Variants in NRG3 observed in about 807,000 individuals in gnomAD.
The protein encoded by NRG3 is pro-neuregulin-3, membrane-bound isoform.
In NRG3, 31 loss-of-function variants were observed where a neutral mutation model predicts 66.9. That is an observed-to-expected ratio of 0.46 (90% CI 0.35 to 0.63). The LOEUF is 0.63. NRG3 is among the 20% of genes least tolerant of loss of function. The probability of loss-of-function intolerance (pLI) is 0.00; values close to 1 mark genes in which losing one functional copy is unlikely to be tolerated. For synonymous variants in NRG3, 393 were observed against 359.4 expected (o/e 1.09, Z -1.06); for missense variants, 910 against 878.9 (o/e 1.04, Z -0.45).
intron 1 of NRG3, among the ~76,000 whole-genome samples, chr10:82,214,175 T>C (rs1403715169): frequency 2.0e-5 from 3 of 152,170 alleles, no homozygotes; most frequent in African/African-American, 7.2e-5. Flanking sequence ...ATTATTTCAC[T>C]AGTCCAGGAC....
intron 1 of NRG3, among the ~76,000 whole-genome samples, chr10:82,245,793 A>G (rs777232057): frequency 7.9e-5 from 12 of 152,200 alleles, no homozygotes; most frequent in Non-Finnish European, 1.5e-4. Context: ...ATAAAGAATG[A>G]GGAAAATCTG....
At chr10:82,274,354 T>C (rs1460819458) in intron 1 of NRG3, among the ~76,000 whole-genome samples, 2 of 152,024 alleles carry the variant, frequency 1.3e-5, no homozygotes, top group Non-Finnish European at 2.9e-5. Context: ...ACTAAAAACC[T>C]GCAACCTTCT....
Position 82,922,115 on chromosome 10 carries a change from A to G in NRG3, c.1055-29354A>G, listed in dbSNP as rs377309644. Among the ~76,000 whole-genome samples the G allele has an allele frequency of 8.6e-5, 13 of 151,976 alleles. 1 individual carries two copies. Among genetic ancestry groups the G allele is most frequent in the Non-Finnish European group, 1.5e-4 (10 of 68,000 alleles). On this transcript the variant is annotated intron_variant, in intron 4 of 8. Transcript: ENST00000372141. ...CCCCCACCACCCGCCACCTCTCTAT[A>G]TATATAGAGACTGGGGGGAAGAGAA...
chr10:81,875,853 C>A lies in NRG3; in HGVS notation c.513C>A (p.His171Gln). The part of the protein sequence containing the change: ...ITRAPTRFPG[H>Q]RVPIRASPRS... The stretch of plus-strand genomic sequence containing the variant: ...GGGCGCCCACTCGCTTCCCCGGGCA[C>A]CGGGTGCCCATCCGGGCCAGCCCGC... Residue 171 changes from histidine (H) to glutamine (Q), a missense_variant, in exon 1 of 9, where the codon CAC becomes CAA. Physicochemically the swap from His to Gln is conservative, Grantham distance 24 (BLOSUM62 0). Coordinates refer to ENST00000372141, the MANE Select transcript of NRG3 (RefSeq NM_001010848.4). The surrounding 1 kb of genome is among the most constrained non-coding windows in gnomAD (Gnocchi z 5.3). 1 of 1,609,916 alleles carries A rather than the reference C, an allele frequency of 6.2e-7. No individual in the cohort carries two copies. The highest frequency in any genetic ancestry group is 8.5e-7 in the Non-Finnish European group (1 of 1,179,680).
chr10:82,220,241 T>C (rs1042476695), intron 1 of NRG3, among the ~76,000 whole-genome samples: 15 of 151,966 alleles, frequency 9.9e-5, no homozygotes, highest in Non-Finnish European at 1.2e-4. Context: ...GAATACTCTT[T>C]CCTTGCTCAG....
At chr10:82,872,820 A>G (rs1357801087) in intron 4 of NRG3, among the ~76,000 whole-genome samples, 1 of 152,090 alleles carries the variant, frequency 6.6e-6, no homozygotes, top group African/African-American at 2.4e-5. Flanking sequence ...GTATCAGCCA[A>G]AGTGGATAAG....
chr10:81,977,321 T>G (rs1339867085), intron 1 of NRG3, among the ~76,000 whole-genome samples: 1 of 152,206 alleles, frequency 6.6e-6, no homozygotes, highest in African/African-American at 2.4e-5. Flanking sequence ...TTTGATAATC[T>G]TATTGTTCTT....
intron 3 of NRG3, among the ~76,000 whole-genome samples, chr10:82,813,504 G>A (rs1457423400): frequency 2.6e-5 from 4 of 152,062 alleles, no homozygotes; most frequent in South Asian, 2.1e-4. Context: ...GTGAGCCACC[G>A]TGCCCAGCCT....
chr10:82,783,944 C>T (rs2060229419), intron 3 of NRG3, among the ~76,000 whole-genome samples: 1 of 151,866 alleles, frequency 6.6e-6, no homozygotes. Context: ...ATCACGCTAC[C>T]TGACTTCAAA....
chr10:82,204,231 G>T (rs1354409712), intron 1 of NRG3, among the ~76,000 whole-genome samples: 1 of 152,168 alleles, frequency 6.6e-6, no homozygotes, highest in Non-Finnish European at 1.5e-5. Context: ...GGCAACTATT[G>T]TTAGTTTGTA....
intron 1 of NRG3, among the ~76,000 whole-genome samples, chr10:82,166,364 A>G (rs2072062152): frequency 1.3e-5 from 2 of 152,272 alleles, no homozygotes; most frequent in African/African-American, 2.4e-5. Context: ...TTGTTGACCT[A>G]TTAGCTATAA....
At chr10:81,991,551 A>G (rs1300767893) in intron 1 of NRG3, among the ~76,000 whole-genome samples, 1 of 152,198 alleles carries the variant, frequency 6.6e-6, no homozygotes, top group Non-Finnish European at 1.5e-5. Flanking sequence ...GGGTGATTGT[A>G]GGCATAATTA....
At chr10:82,273,078 C>T (rs1689177565) in intron 1 of NRG3, among the ~76,000 whole-genome samples, 4 of 152,034 alleles carry the variant, frequency 2.6e-5, no homozygotes, top group Admixed American at 2.6e-4. Flanking sequence ...TGGACATTCC[C>T]TTCCATTTCA....
chr10:82,588,753 G>A (rs565051660), intron 2 of NRG3, among the ~76,000 whole-genome samples: 3 of 152,130 alleles, frequency 2.0e-5, no homozygotes, highest in South Asian at 4.1e-4. Flanking sequence ...TGCCCACCTC[G>A]GCCTCCCAAA....
chr10:82,562,171 A>C (rs1173180621), intron 2 of NRG3, among the ~76,000 whole-genome samples: 1 of 152,236 alleles, frequency 6.6e-6, no homozygotes, highest in South Asian at 2.1e-4. Context: ...TGCTTATTAC[A>C]TAGTAAACAA....
At position 82,912,684 on chromosome 10, in the gene NRG3, T is replaced by C. The variant is rs142143725; in HGVS notation, c.1055-38785T>C. Among the ~76,000 whole-genome samples, 479 of 152,326 alleles carry C rather than the reference T, an allele frequency of 3.1e-3. 2 individuals are homozygous for C. The highest frequency in any genetic ancestry group is 0.01 in the African/African-American group (422 of 41,580). Reference sequence around the variant, plus strand: ...ATTTCTGGATTAATACCTATCATATTTGTAAATGTTTTTTAGTAATTGATG... The same window carrying C: ...ATTTCTGGATTAATACCTATCATATCTGTAAATGTTTTTTAGTAATTGATG... On this transcript the variant is annotated intron_variant, in intron 4 of 8. Transcript: ENST00000372141.
At chr10:82,805,044 A>AG in intron 3 of NRG3, among the ~76,000 whole-genome samples, 1 of 152,218 alleles carries the variant, frequency 6.6e-6, no homozygotes, top group East Asian at 1.9e-4. Flanking sequence ...ACTCATTTTT[A>AG]GTCAGTGCTA....
chr10:82,658,539 A>T, intron 2 of NRG3, among the ~76,000 whole-genome samples: 1 of 146,044 alleles, frequency 6.8e-6, no homozygotes, highest in East Asian at 2.0e-4. Flanking sequence ...TCTCAAAATT[A>T]TTATGCAAAG....
At chr10:82,832,991 G>A (rs984773656) in intron 3 of NRG3, among the ~76,000 whole-genome samples, 1 of 151,974 alleles carries the variant, frequency 6.6e-6, no homozygotes, top group Non-Finnish European at 1.5e-5. Flanking sequence ...CCCTTTCCTG[G>A]CCTTCTTATC....
Sources: gnomAD v4.1 joint callset for allele counts (sites outside exome capture counted in the v4.1 genomes callset) on GRCh38, gnomAD v4.1.1 for gene constraint, Gnocchi (gnomAD v3.1) non-coding constraint, MANE v1.5 for transcripts, NCBI Gene and HGNC (gene_info 2026-07-23, HGNC 2026-07-21) for gene names.